Variants in MGAT4C observed in about 807,000 individuals in gnomAD.
The protein encoded by MGAT4C is MGAT4 family member C, also known as alpha-1,3-mannosyl-glycoprotein 4-beta-N-acetylglucosaminyltransferase C.
A neutral mutation model predicts 40.1 loss-of-function variants in MGAT4C; 19 were observed. That is an observed-to-expected ratio of 0.47 (90% CI 0.33 to 0.70). The LOEUF (loss-of-function observed/expected upper bound fraction) is 0.70. Ranked by LOEUF, MGAT4C falls within the 30% of genes least tolerant of loss-of-function variation. The probability of loss-of-function intolerance (pLI) is 0.02; values close to 1 mark genes in which losing one functional copy is unlikely to be tolerated. For synonymous variants in MGAT4C, 181 were observed against 187.1 expected (o/e 0.97, Z 0.27); for missense variants, 491 against 563.2 (o/e 0.87, Z 1.30).
chr12:86,581,290 G>A (rs1960768886), intron 2 of MGAT4C, among the ~76,000 whole-genome samples: 2 of 151,388 alleles, frequency 1.3e-5, no homozygotes, highest in African/African-American at 4.8e-5. Context: ...TGTCTTCCTT[G>A]TGCCTAGATA....
intron 1 of MGAT4C, among the ~76,000 whole-genome samples, chr12:86,742,593 G>C (rs1951084791): frequency 6.6e-6 from 1 of 151,380 alleles, no homozygotes; most frequent in Non-Finnish European, 1.5e-5. Flanking sequence ...GGTTTAGTCT[G>C]TTTAGCCTAA....
At chr12:86,136,190 A>G (rs950336024) in intron 1 of MGAT4C, among the ~76,000 whole-genome samples, 3 of 152,204 alleles carry the variant, frequency 2.0e-5, no homozygotes, top group Non-Finnish European at 2.9e-5. Context: ...CATTAATTCA[A>G]TTAAGAATTA....
chr12:86,375,552 G>T (rs1213822785), intron 3 of MGAT4C, among the ~76,000 whole-genome samples: 1 of 151,912 alleles, frequency 6.6e-6, no homozygotes, highest in Admixed American at 6.6e-5. Flanking sequence ...AGAGGAATTT[G>T]TATAAGCATA....
chr12:86,814,441 A>G (rs1219868588), intron 1 of MGAT4C, among the ~76,000 whole-genome samples: 1 of 148,774 alleles, frequency 6.7e-6, no homozygotes, highest in African/African-American at 2.5e-5. Context: ...ATGTTCTTTC[A>G]GCAAATAAAG....
At position 86,548,417 on chromosome 12, in the gene MGAT4C, T is replaced by A. The variant is rs188144412; in HGVS notation, c.-228-113152A>T. On this transcript the variant is annotated intron_variant, in intron 2 of 7. Transcript: ENST00000548651. ...AGTGAAAATATGACAGTTAACATAC[T>A]TCTTAAAAGTTGTTCTTTCTCTTTC... Among the ~76,000 whole-genome samples, 437 of 152,246 alleles carry A rather than the reference T, an allele frequency of 2.9e-3. 2 individuals are homozygous for A. The highest frequency in any genetic ancestry group is 6.8e-3 in the Middle Eastern group (2 of 294).
chr12:86,717,273 G>C (rs1950659728), intron 2 of MGAT4C, among the ~76,000 whole-genome samples: 4 of 150,870 alleles, frequency 2.7e-5, no homozygotes, highest in Non-Finnish European at 5.9e-5. Context: ...CCTTATATAA[G>C]AATATAAATT....
At chr12:86,528,207 A>G (rs527751225) in intron 2 of MGAT4C, among the ~76,000 whole-genome samples, 1 of 152,210 alleles carries the variant, frequency 6.6e-6, no homozygotes, top group East Asian at 1.9e-4. Context: ...GTATTTTTAT[A>G]TAATCAAAAG....
chr12:86,229,202 C>A (rs1951216579), intron 1 of MGAT4C, among the ~76,000 whole-genome samples: 1 of 151,742 alleles, frequency 6.6e-6, no homozygotes, highest in Non-Finnish European at 1.5e-5. Flanking sequence ...TAGGTAATTG[C>A]ATTCACAAAA....
At chr12:86,453,484 T>C (rs1036346582) in intron 2 of MGAT4C, among the ~76,000 whole-genome samples, 8 of 152,222 alleles carry the variant, frequency 5.3e-5, no homozygotes, top group Admixed American at 2.0e-4. Context: ...CATTCAGCTA[T>C]GAGTAAAAGA....
At chr12:86,345,351 T>C (rs1955006521) in intron 3 of MGAT4C, among the ~76,000 whole-genome samples, 1 of 152,164 alleles carries the variant, frequency 6.6e-6, no homozygotes, top group Non-Finnish European at 1.5e-5. Context: ...TGTATACATG[T>C]GCCATGTTGG....
At chr12:86,484,339 T>C (rs1957982861) in intron 2 of MGAT4C, among the ~76,000 whole-genome samples, 1 of 152,170 alleles carries the variant, frequency 6.6e-6, no homozygotes. Flanking sequence ...GAACCAACTT[T>C]CCTGCAGGAC....
At chr12:86,834,591 ACTGT>A (rs1952998713) in intron 1 of MGAT4C, among the ~76,000 whole-genome samples, 1 of 140,638 alleles carries the variant, frequency 7.1e-6, no homozygotes, top group African/African-American at 2.5e-5. Flanking sequence ...ATGATTACCT[ACTGT>A]CTACTTCCCC....
intron 2 of MGAT4C, among the ~76,000 whole-genome samples, chr12:86,449,859 TG>T (rs998017986): frequency 3.3e-5 from 5 of 152,170 alleles, no homozygotes; most frequent in African/African-American, 1.2e-4. Context: ...GAGATATTTT[TG>T]TTCATTAATA....
chr12:86,001,241 A>G (rs953238058), intron 2 of MGAT4C, among the ~76,000 whole-genome samples: 2 of 152,190 alleles, frequency 1.3e-5, no homozygotes, highest in Admixed American at 1.3e-4. Flanking sequence ...TTTTCAATCC[A>G]CTAACTTGCA....
At chr12:86,463,550 T>C (rs982912666) in intron 2 of MGAT4C, among the ~76,000 whole-genome samples, 1 of 152,182 alleles carries the variant, frequency 6.6e-6, no homozygotes, top group Non-Finnish European at 1.5e-5. Flanking sequence ...CTCCTATTCA[T>C]GCATCAGAAC....
chr12:86,337,212 G>A (rs1286045267), intron 3 of MGAT4C, among the ~76,000 whole-genome samples: 3 of 152,168 alleles, frequency 2.0e-5, no homozygotes, highest in South Asian at 4.1e-4. Flanking sequence ...GAGTTACAAA[G>A]TGTTTGAAGA....
chr12:85,987,616 T>C (rs1181895655), intron 3 of MGAT4C, among the ~76,000 whole-genome samples: 5 of 152,228 alleles, frequency 3.3e-5, no homozygotes, highest in Non-Finnish European at 5.9e-5. Context: ...AATGTTTAGA[T>C]AGCACTGTAA....
At chr12:86,090,284 TATTC>T (rs1872664016) in intron 1 of MGAT4C, among the ~76,000 whole-genome samples, 1 of 151,710 alleles carries the variant, frequency 6.6e-6, no homozygotes, top group Admixed American at 6.6e-5. Flanking sequence ...TTTATGCATA[TATTC>T]ATTTAAAAAC....
At chr12:86,565,335 TG>T (rs1383941176) in intron 2 of MGAT4C, among the ~76,000 whole-genome samples, 1 of 152,206 alleles carries the variant, frequency 6.6e-6, no homozygotes, top group African/African-American at 2.4e-5. Context: ...CCTGCACTGA[TG>T]GCCTCATGGG....
Sources: allele counts gnomAD v4.1 joint callset (sites outside exome capture counted in the v4.1 genomes callset), GRCh38; gene constraint gnomAD v4.1.1; transcripts MANE v1.5; gene names NCBI Gene and HGNC (gene_info 2026-07-23, HGNC 2026-07-21).